Variants in TRAPPC3 observed in about 807,000 individuals in gnomAD.
TRAPPC3 encodes the protein trafficking protein particle complex 3.
A neutral mutation model predicts 18.2 loss-of-function variants in TRAPPC3; 5 were observed. That is an observed-to-expected ratio of 0.28 (90% CI 0.14 to 0.58). The LOEUF is 0.58. Among genes scored for constraint, TRAPPC3 ranks in the 20% least tolerant of loss-of-function variants. The pLI is 0.91. For missense variants in TRAPPC3, 176 were observed against 225.9 expected (o/e 0.78, Z 1.41); for synonymous variants, 65 against 84.2 (o/e 0.77, Z 1.25).
intron 2 of TRAPPC3, 95 bp from the exon 3 acceptor site, chr1:36,139,914 C>A: frequency 6.5e-7 from 1 of 1,542,998 alleles, no homozygotes; most frequent in Non-Finnish European, 8.8e-7. Context: ...TGGGGATAAT[C>A]TCAAAAACAT....
chr1:36,149,287 T>A, intron 1 of TRAPPC3, 50 bp downstream of exon 1: 1 of 1,612,198 alleles, frequency 6.2e-7, no homozygotes, highest in Non-Finnish European at 8.5e-7. Context: ...GCCCCTTCCC[T>A]GTACGCCTCA....
At chr1:36,145,210 T>C (rs1248265282) in intron 1 of TRAPPC3, among the ~76,000 whole-genome samples, 1 of 151,498 alleles carries the variant, frequency 6.6e-6, no homozygotes, top group Non-Finnish European at 1.5e-5. Context: ...TTTTTTCTTT[T>C]AGTAGAGACG....
At chr1:36,148,461 G>C (rs1644232132) in intron 1 of TRAPPC3, among the ~76,000 whole-genome samples, 1 of 152,180 alleles carries the variant, frequency 6.6e-6, no homozygotes, top group South Asian at 2.1e-4. Flanking sequence ...CAGGCGTGGT[G>C]GTGGACACCT....
At chr1:36,147,077 G>A (rs999742445) in intron 1 of TRAPPC3, among the ~76,000 whole-genome samples, 3 of 152,214 alleles carry the variant, frequency 2.0e-5, no homozygotes, top group Non-Finnish European at 4.4e-5. Flanking sequence ...AAGGCTGGGT[G>A]CAGTGGCTCA....
chr1:36,147,395 A>C (rs924294006), intron 1 of TRAPPC3, among the ~76,000 whole-genome samples: 1 of 152,012 alleles, frequency 6.6e-6, no homozygotes, highest in African/African-American at 2.4e-5. Flanking sequence ...GTAATTTGTG[A>C]AGCAGAGTTG....
chr1:36,140,889 A>C (rs1166429624), intron 1 of TRAPPC3: 1 of 152,166 alleles, frequency 6.6e-6, no homozygotes, highest in Non-Finnish European at 1.5e-5. Context: ...AGGAGCAGTG[A>C]CTCATGCCTG....
chr1:36,147,569 GGGA>G (rs755584001), intron 1 of TRAPPC3, among the ~76,000 whole-genome samples: 55 of 152,028 alleles, frequency 3.6e-4, no homozygotes, highest in Non-Finnish European at 5.9e-4. Context: ...GCTTGAACTC[GGGA>G]GGTCAGGCTG....
Position 36,149,369 on chromosome 1 carries a change from G to A in TRAPPC3, c.10C>T (p.Gln4Ter). Residue 4 changes from glutamine to a stop codon, truncating the protein, a stop_gained, in exon 1 of 5, where the codon CAG becomes TAG. Transcript: ENST00000373166. LOFTEE classifies it high-confidence loss of function. MSR[Q>*]ANRGTESKKM... is the part of the protein sequence containing the mutation. ...TTGCTCTCGGTGCCACGGTTCGCCT[G>A]CCTCGACATGGTGCCGGCCGCCCCG... The A allele has an allele frequency of 6.2e-7, 1 of 1,613,288 alleles. No homozygotes were observed. Among genetic ancestry groups the A allele is most frequent in the Non-Finnish European group, 8.5e-7 (1 of 1,179,802 alleles).
At chr1:36,151,932 G>T (rs972693884), upstream of TRAPPC3, among the ~76,000 whole-genome samples, 1 of 152,300 alleles carries the variant, frequency 6.6e-6, no homozygotes, top group South Asian at 2.1e-4. Context: ...CCAGCCACAG[G>T]GAGTGGGCCC....
chr1:36,146,366 A>C (rs1324592035), intron 1 of TRAPPC3, among the ~76,000 whole-genome samples: 2 of 146,844 alleles, frequency 1.4e-5, no homozygotes, highest in Non-Finnish European at 3.0e-5. Flanking sequence ...GTGCAATCTC[A>C]GCTCACTGCA....
chr1:36,152,567 C>T (rs1428715035), upstream of TRAPPC3, among the ~76,000 whole-genome samples: 6 of 152,152 alleles, frequency 3.9e-5, no homozygotes, highest in African/African-American at 1.4e-4. Flanking sequence ...ACCTCGGCCT[C>T]CCAGAGTGCT....
At chr1:36,150,548 T>C (rs1468385966), upstream of TRAPPC3, among the ~76,000 whole-genome samples, 5 of 152,318 alleles carry the variant, frequency 3.3e-5, no homozygotes, top group Middle Eastern at 3.4e-3. Context: ...GCCCTCACCA[T>C]GACAACCAGC....
chr1:36,152,233 G>A (rs1015840285), upstream of TRAPPC3, among the ~76,000 whole-genome samples: 1 of 151,984 alleles, frequency 6.6e-6, no homozygotes, highest in Non-Finnish European at 1.5e-5. Context: ...CAAACTAGGA[G>A]GCTGAAAATA....
chr1:36,148,499 G>A (rs1411425930), intron 1 of TRAPPC3, among the ~76,000 whole-genome samples: 1 of 151,632 alleles, frequency 6.6e-6, no homozygotes, highest in Non-Finnish European at 1.5e-5. Context: ...GGAGGCTGAG[G>A]CAGAAGAACT....
chr1:36,147,563 G>C (rs1376582875), intron 1 of TRAPPC3, among the ~76,000 whole-genome samples: 4 of 152,000 alleles, frequency 2.6e-5, no homozygotes, highest in African/African-American at 9.7e-5. Context: ...AGGACTGCTT[G>C]AACTCGGGAG....
At chr1:36,151,234 C>T (rs372797272), upstream of TRAPPC3, among the ~76,000 whole-genome samples, 1 of 152,094 alleles carries the variant, frequency 6.6e-6, no homozygotes, top group Non-Finnish European at 1.5e-5. Flanking sequence ...TTCTTAAAGG[C>T]TTCTTAGGCC....
In TRAPPC3 at chr1:36,140,052, T is replaced by C. The variant is rs776207212; in HGVS notation, c.140+17A>G. 17 of 1,581,296 alleles carry C rather than the reference T, an allele frequency of 1.1e-5. No individual in the cohort carries two copies. The South Asian group carries it at 1.9e-4, about 18-fold the overall frequency. ...GGAGGCCCCATTTCTGTCTCTCCTA[T>C]GAAGGAGCTCACTCACATTTTGTCC... is the stretch of plus-strand genomic sequence containing the variant. On this transcript the variant is annotated intron_variant, in intron 2 of 4. Coordinates refer to ENST00000373166, the MANE Select transcript of TRAPPC3 (RefSeq NM_014408.5).
At chr1:36,144,250 C>A (rs1019179528) in intron 1 of TRAPPC3, among the ~76,000 whole-genome samples, 15 of 141,330 alleles carry the variant, frequency 1.1e-4, no homozygotes, top group Admixed American at 4.4e-4. Flanking sequence ...ATCATGCCAC[C>A]GCACTCCAGG....
chr1:36,150,379 C>T (rs948091141), upstream of TRAPPC3, among the ~76,000 whole-genome samples: 4 of 152,222 alleles, frequency 2.6e-5, no homozygotes, highest in Non-Finnish European at 5.9e-5. Context: ...CACCCATCAC[C>T]AAGGGGAAGT....
Sources: gnomAD v4.1 joint callset for allele counts (sites outside exome capture counted in the v4.1 genomes callset) on GRCh38, gnomAD v4.1.1 for gene constraint, MANE v1.5 for transcripts, NCBI Gene and HGNC (gene_info 2026-07-23, HGNC 2026-07-21) for gene names.